ANO1: variants seen among roughly 807,000 people sequenced by gnomAD.
ANO1 encodes anoctamin-1.
Under a neutral mutation model 124.0 loss-of-function variants are expected in ANO1, and 59 were observed. The observed-to-expected ratio is 0.48, with a 90% CI of 0.39 to 0.59. The LOEUF is 0.59. Among genes scored for constraint, ANO1 ranks in the 20% least tolerant of loss-of-function variants. The probability of loss-of-function intolerance (pLI) is 0.00; values close to 1 mark genes in which losing one functional copy is unlikely to be tolerated. For synonymous variants in ANO1, 529 were observed against 532.0 expected (o/e 0.99, Z 0.08); for missense variants, 1,059 against 1,328.0 (o/e 0.80, Z 3.15).
intron 1 of ANO1, among the ~76,000 whole-genome samples, chr11:70,080,668 A>G (rs1183385997): frequency 1.3e-5 from 2 of 152,258 alleles, no homozygotes; most frequent in African/African-American, 4.8e-5. Context: ...GGTGAAGGCC[A>G]TAAAGTCTGC....
chr11:70,038,488 C>T (rs1463759283), intron 1 of ANO1, among the ~76,000 whole-genome samples: 5 of 152,202 alleles, frequency 3.3e-5, no homozygotes, highest in African/African-American at 1.2e-4. Flanking sequence ...AGCACCCTTT[C>T]TGCAGAAAGT....
rs745756595 is a variant in ANO1 at position 70,088,102 on chromosome 11, C to T, written c.441+18C>T. ...ACGAGGACGTAACTATCTCACTGCG[C>T]GCTGTTTGTGGGGGGTGGGGGGTGG... On this transcript the variant is annotated intron_variant, in intron 2 of 25. Transcript: ENST00000355303. The T allele has an allele frequency of 3.4e-5, 39 of 1,163,104 alleles. No homozygotes were observed. In the East Asian group the frequency reaches 5.7e-4, roughly 17 times the overall value. 72.0% of individuals were successfully genotyped at this position (1,163,104 alleles called of 1,614,324 possible). A position where few individuals can be genotyped will look rare whatever the true frequency, so the allele number is the denominator to read the frequency against.
At chr11:70,081,245 T>C (rs546785167) in intron 1 of ANO1, among the ~76,000 whole-genome samples, 1 of 152,368 alleles carries the variant, frequency 6.6e-6, no homozygotes, top group East Asian at 1.9e-4. Context: ...CATTTCCCTC[T>C]GTTAATCTTT....
chr11:70,048,501 A>C (rs2135074497), intron 1 of ANO1, among the ~76,000 whole-genome samples: 1 of 152,232 alleles, frequency 6.6e-6, no homozygotes, highest in East Asian at 1.9e-4. Flanking sequence ...TCGATTAGAC[A>C]TAAGATTGAA....
intron 1 of ANO1, among the ~76,000 whole-genome samples, chr11:70,058,872 G>T (rs1555007271): frequency 1.3e-5 from 2 of 152,064 alleles, no homozygotes; most frequent in Non-Finnish European, 1.5e-5. Flanking sequence ...CGGCTTGGGT[G>T]ATTTGACTAA....
chr11:70,099,646 G>A (rs1424069781), intron 2 of ANO1, among the ~76,000 whole-genome samples: 1 of 152,136 alleles, frequency 6.6e-6, no homozygotes, highest in Non-Finnish European at 1.5e-5. Flanking sequence ...AGTGCCCTCC[G>A]TGGCTCCCCA....
At chr11:70,168,768 C>T (rs1270718815) in intron 21 of ANO1, among the ~76,000 whole-genome samples, 2 of 152,152 alleles carry the variant, frequency 1.3e-5, no homozygotes, top group Non-Finnish European at 2.9e-5. Flanking sequence ...GGGGTAAGGG[C>T]ACCTTAGAGG....
chr11:69,970,027 A>G, the ANO1 span, among the ~76,000 whole-genome samples: 5 of 152,148 alleles, frequency 3.3e-5, no homozygotes, highest in African/African-American at 4.8e-5. Flanking sequence ...CTCCCCATCA[A>G]TCAGAAAGGG....
intron 5 of ANO1, among the ~76,000 whole-genome samples, chr11:70,107,749 A>G (rs966067360): frequency 6.6e-6 from 1 of 152,034 alleles, no homozygotes; most frequent in African/African-American, 2.4e-5. Flanking sequence ...GGAGCTGCTG[A>G]GGCCACCAAA....
chr11:70,146,044 C>G (rs2047365898), intron 11 of ANO1, among the ~76,000 whole-genome samples: 1 of 152,014 alleles, frequency 6.6e-6, no homozygotes, highest in Non-Finnish European at 1.5e-5. Context: ...CTCTGTGCCC[C>G]CATTTCCTCA....
At chr11:70,122,743 G>A (rs1281064211) in intron 8 of ANO1, among the ~76,000 whole-genome samples, 1 of 150,304 alleles carries the variant, frequency 6.7e-6, no homozygotes, top group Non-Finnish European at 1.5e-5. Context: ...CTCTCCATCT[G>A]TCTCTGTCTC....
At chr11:70,116,951 G>A (rs896283722) in intron 8 of ANO1, among the ~76,000 whole-genome samples, 1 of 152,172 alleles carries the variant, frequency 6.6e-6, no homozygotes, top group South Asian at 2.1e-4. Context: ...GCGCATTGGG[G>A]AAACCTGTTT....
At chr11:70,012,209 T>C (rs781851227) in intron 1 of ANO1, among the ~76,000 whole-genome samples, 10 of 151,980 alleles carry the variant, frequency 6.6e-5, no homozygotes, top group Admixed American at 5.2e-4. Context: ...TATCCATTCA[T>C]CCATCCAGCA....
At chr11:70,063,647 C>T (rs1423652536) in intron 1 of ANO1, 1 of 152,144 alleles carries the variant, frequency 6.6e-6, no homozygotes, top group Non-Finnish European at 1.5e-5. Flanking sequence ...TTCTTCAGAA[C>T]CCCGTTTGTT....
At chr11:70,074,398 T>G (rs2044028629), upstream of ANO1, among the ~76,000 whole-genome samples, 1 of 152,180 alleles carries the variant, frequency 6.6e-6, no homozygotes, top group South Asian at 2.1e-4. Flanking sequence ...ATTTCTATTT[T>G]GTAAAAAGAA....
At chr11:69,987,544 G>T (rs1319787476) in intron 1 of ANO1, among the ~76,000 whole-genome samples, 2 of 146,196 alleles carry the variant, frequency 1.4e-5, no homozygotes, top group African/African-American at 2.6e-5. Context: ...GCTTGAGCCC[G>T]CAGTGTGCCT....
intron 23 of ANO1, among the ~76,000 whole-genome samples, chr11:70,182,008 C>T (rs1161056226): frequency 6.6e-6 from 1 of 151,964 alleles, no homozygotes; most frequent in Non-Finnish European, 1.5e-5. Flanking sequence ...TTGGTTTCCT[C>T]TCTTGTAAGG....
chr11:70,108,554 G>A, intron 6 of ANO1, 150 bp downstream of exon 6: 4 of 854,274 alleles, frequency 4.7e-6, no homozygotes, highest in Non-Finnish European at 7.4e-6. Flanking sequence ...CAAGAGGGCT[G>A]GGTTGGGAGC....
chr11:70,018,532 C>A (rs1555002263), intron 1 of ANO1, among the ~76,000 whole-genome samples: 1 of 152,198 alleles, frequency 6.6e-6, no homozygotes, highest in African/African-American at 2.4e-5. Context: ...GACTCCACTG[C>A]ACTCTCTGTG....
Sources: gnomAD v4.1 joint callset for allele counts (sites outside exome capture counted in the v4.1 genomes callset) on GRCh38, gnomAD v4.1.1 for gene constraint, MANE v1.5 for transcripts, NCBI Gene and HGNC (gene_info 2026-07-23, HGNC 2026-07-21) for gene names.